Variants in LRRC1 observed in about 807,000 individuals in gnomAD.
The protein encoded by LRRC1 is leucine-rich repeat-containing protein 1.
In LRRC1, 28 loss-of-function variants were observed where a neutral mutation model predicts 69.9. The observed-to-expected ratio is 0.40, with a 90% CI of 0.30 to 0.55. The LOEUF (loss-of-function observed/expected upper bound fraction) is 0.55, where lower values mean the gene tolerates loss of function less well. Among genes scored for constraint, LRRC1 ranks in the 20% least tolerant of loss-of-function variants. The probability of loss-of-function intolerance (pLI) is 0.47; values close to 1 mark genes in which losing one functional copy is unlikely to be tolerated. For synonymous variants in LRRC1, 236 were observed against 240.2 expected, an observed-to-expected ratio of 0.98 and a Z score of 0.16; for missense variants, 498 against 609.0, an observed-to-expected ratio of 0.82 and a Z score of 1.92.
intron 1 of LRRC1, among the ~76,000 whole-genome samples, chr6:53,835,131 A>G (rs1483978073): frequency 6.6e-6 from 1 of 152,150 alleles, no homozygotes; most frequent in Non-Finnish European, 1.5e-5. Context: ...CAAGTGCGCA[A>G]TTCTCTGGTT....
At chr6:53,874,019 A>G (rs1007607872) in intron 2 of LRRC1, among the ~76,000 whole-genome samples, 5 of 152,174 alleles carry the variant, frequency 3.3e-5, no homozygotes, top group Non-Finnish European at 5.9e-5. Context: ...TTTTCAGACC[A>G]TGGCAAGCCA....
At chr6:53,819,045 C>T (rs7751036) in intron 1 of LRRC1, among the ~76,000 whole-genome samples, 53,586 of 151,898 alleles carry the variant, frequency 0.35, 10,095 homozygotes, top group East Asian at 0.64. Context: ...GAGGCAGTAG[C>T]ATTGACCCAT....
chr6:53,848,226 A>G (rs1204559345), intron 2 of LRRC1, among the ~76,000 whole-genome samples: 1 of 152,200 alleles, frequency 6.6e-6, no homozygotes, highest in Non-Finnish European at 1.5e-5. Flanking sequence ...TTGCAAATAT[A>G]TCCGCTTTCC....
intron 1 of LRRC1, among the ~76,000 whole-genome samples, chr6:53,817,026 A>C (rs368087203): frequency 2.6e-5 from 4 of 152,336 alleles, no homozygotes; most frequent in African/African-American, 7.2e-5. Context: ...TGCCCTTTTA[A>C]GAAACTTTGA....
At chr6:53,894,983 T>G (rs1767821920) in intron 4 of LRRC1, among the ~76,000 whole-genome samples, 1 of 151,652 alleles carries the variant, frequency 6.6e-6, no homozygotes, top group South Asian at 2.1e-4. Flanking sequence ...CCAGGCGTGA[T>G]CTCAGCTCAC....
chr6:53,872,834 G>A (rs9395884), intron 2 of LRRC1, among the ~76,000 whole-genome samples: 53,588 of 143,022 alleles, frequency 0.37, 10,193 homozygotes, highest in East Asian at 0.64. Flanking sequence ...TTGGATCACT[G>A]CAACCTTGGC....
At chr6:53,920,477 G>C (rs1768703362) in intron 12 of LRRC1, 148 bp from the exon 13 acceptor site, 3 of 725,094 alleles carry the variant, frequency 4.1e-6, no homozygotes, top group Non-Finnish European at 6.5e-6. Context: ...GTGTTTTAAA[G>C]CCAAACTTGC....
intron 7 of LRRC1, among the ~76,000 whole-genome samples, chr6:53,899,126 T>C (rs186345191): frequency 1.3e-5 from 2 of 152,174 alleles, no homozygotes; most frequent in South Asian, 2.1e-4. Flanking sequence ...ACTTTGGGAA[T>C]AGAAGAAAAG....
At chr6:53,894,678 A>G (rs1214576864) in intron 4 of LRRC1, among the ~76,000 whole-genome samples, 1 of 152,204 alleles carries the variant, frequency 6.6e-6, no homozygotes, top group African/African-American at 2.4e-5. Context: ...AAAACTGAAA[A>G]CAAAGCCCTT....
intron 13 of LRRC1, among the ~76,000 whole-genome samples, chr6:53,921,220 A>T (rs901313185): frequency 5.9e-5 from 9 of 152,166 alleles, no homozygotes; most frequent in Non-Finnish European, 2.9e-5. Context: ...TACCTGCCTC[A>T]GCCTCCCAAA....
chr6:53,827,093 A>G (rs1765289210), intron 1 of LRRC1, among the ~76,000 whole-genome samples: 1 of 152,152 alleles, frequency 6.6e-6, no homozygotes, highest in Admixed American at 6.5e-5. Flanking sequence ...TTGTGCCTGG[A>G]GATTATGCAC....
At chr6:53,871,451 A>G (rs1766882488) in intron 2 of LRRC1, among the ~76,000 whole-genome samples, 1 of 152,032 alleles carries the variant, frequency 6.6e-6, no homozygotes, top group Non-Finnish European at 1.5e-5. Flanking sequence ...GAGAAATGTC[A>G]TTCAGATCAG....
In LRRC1 at chr6:53,911,247, A is replaced by G. The variant is rs9370242; in HGVS notation, c.991-2607A>G. Reference sequence around the variant, plus strand: ...TCACACACTTCATTGAAGTTTACACAATATGTTCCCAAATGATTAATGGAT... The same window carrying G: ...TCACACACTTCATTGAAGTTTACACGATATGTTCCCAAATGATTAATGGAT... On this transcript the variant is annotated intron_variant, in intron 10 of 13. Coordinates refer to ENST00000370888, the MANE Select transcript of LRRC1 (RefSeq NM_018214.5). 3.3e-5 allele frequency among the ~76,000 whole-genome samples: 5 copies of G among 152,370 alleles called. No individual in the cohort carries two copies. In the East Asian group the frequency reaches 9.6e-4, roughly 29 times the overall value.
chr6:53,910,957 A>G (rs185706447), intron 10 of LRRC1, among the ~76,000 whole-genome samples: 1 of 152,378 alleles, frequency 6.6e-6, no homozygotes, highest in Admixed American at 6.5e-5. Flanking sequence ...GTTTATGTGA[A>G]TGTTCGCTGG....
intron 1 of LRRC1, among the ~76,000 whole-genome samples, chr6:53,831,704 G>A (rs894004473): frequency 2.6e-5 from 4 of 152,246 alleles, no homozygotes; most frequent in African/African-American, 7.2e-5. Context: ...GCCATTAAAT[G>A]TTGCCTTAGA....
chr6:53,817,249 A>G (rs1214205388), intron 1 of LRRC1, among the ~76,000 whole-genome samples: 2 of 152,154 alleles, frequency 1.3e-5, no homozygotes, highest in Admixed American at 6.5e-5. Context: ...CTTTTTGTCT[A>G]TGGGATTCTG....
intron 2 of LRRC1, among the ~76,000 whole-genome samples, chr6:53,864,849 G>A (rs111420803): frequency 0.023 from 3,497 of 152,238 alleles, 66 homozygotes; most frequent in Non-Finnish European, 0.037. Flanking sequence ...GTCTAAAGTG[G>A]CAGTGACACC....
intron 10 of LRRC1, among the ~76,000 whole-genome samples, chr6:53,906,403 G>A (rs887397783): frequency 6.6e-6 from 1 of 152,218 alleles, no homozygotes; most frequent in Admixed American, 6.5e-5. Context: ...CACATTTTAG[G>A]TGTTCTTTCA....
intron 1 of LRRC1, among the ~76,000 whole-genome samples, chr6:53,823,560 G>A (rs539697403): frequency 1.3e-5 from 2 of 152,024 alleles, no homozygotes; most frequent in Non-Finnish European, 2.9e-5. Context: ...AAGTAAACTC[G>A]TGTCACGGGG....
Sources: allele counts gnomAD v4.1 joint callset (sites outside exome capture counted in the v4.1 genomes callset), GRCh38; gene constraint gnomAD v4.1.1; transcripts MANE v1.5; gene names NCBI Gene and HGNC (gene_info 2026-07-23, HGNC 2026-07-21).